The following IQCM variants were observed in gnomAD, a reference collection of about 807,000 sequenced individuals.
IQCM encodes the protein IQ motif containing M, also known as IQ domain-containing protein M.
In IQCM, 45 loss-of-function variants were observed where a neutral mutation model predicts 57.6. The ratio of observed to expected loss-of-function variants is 0.78; its 90% confidence interval spans 0.62 to 1.00. The LOEUF (loss-of-function observed/expected upper bound fraction) is 1.00, where lower values mean the gene tolerates loss of function less well. Ranked by LOEUF, IQCM falls within the 50% of genes least tolerant of loss-of-function variation. The pLI is 0.00. For missense variants in IQCM, 468 were observed against 511.6 expected (o/e 0.91, Z 0.82); for synonymous variants, 148 against 158.9 (o/e 0.93, Z 0.51).
At chr4:149,580,156 A>G (rs1279999108) in intron 9 of IQCM, among the ~76,000 whole-genome samples, 1 of 151,822 alleles carries the variant, frequency 6.6e-6, no homozygotes, top group Non-Finnish European at 1.5e-5. Context: ...AACGCAAGCC[A>G]CAAAAGATCT....
intron 12 of IQCM, chr4:149,514,625 G>C (rs962361262): frequency 1.3e-5 from 2 of 152,238 alleles, no homozygotes; most frequent in Non-Finnish European, 2.9e-5. Flanking sequence ...GCAGCTATAC[G>C]CTGCAGGTTG....
intron 13 of IQCM, among the ~76,000 whole-genome samples, chr4:149,370,508 C>CATAT (rs150414906): frequency 4.4e-4 from 66 of 150,222 alleles, no homozygotes; most frequent in African/African-American, 1.2e-3. Context: ...TCATCATTTG[C>CATAT]ATATATATAT....
chr4:149,610,022 A>C (rs1267137745), intron 8 of IQCM, among the ~76,000 whole-genome samples: 1 of 151,998 alleles, frequency 6.6e-6, no homozygotes, highest in Admixed American at 6.6e-5. Context: ...TGATAAACAA[A>C]TTCAGCAAAA....
At chr4:149,542,298 G>A (rs1747928691) in intron 12 of IQCM, among the ~76,000 whole-genome samples, 1 of 151,934 alleles carries the variant, frequency 6.6e-6, no homozygotes, top group African/African-American at 2.4e-5. Context: ...AATCTTAACA[G>A]ACACAATCAT....
In IQCM at chr4:149,733,398, C is replaced by T; in HGVS notation, c.231G>A (p.Val77=). ...TTCTGAGTGCGGCCCGATGTTCTTG[C>T]ACCACATCACGTGTTACCTTTTTGT... ...EIDKKVTRDV[V]QEHRAALRRI... The change falls in exon 5 of 14, where the codon GTG becomes GTA. Residue 77 remains valine, a synonymous_variant. Transcript: ENST00000636793. 3 of 1,231,826 alleles carry T rather than the reference C, an allele frequency of 2.4e-6. No individual in the cohort carries two copies. Among genetic ancestry groups the T allele is most frequent in the Non-Finnish European group, 3.0e-6 (3 of 987,750 alleles). 76.3% of individuals were successfully genotyped at this position (1,231,826 alleles called of 1,614,324 possible).
chr4:149,363,517 T>C (rs941402828), intron 13 of IQCM, among the ~76,000 whole-genome samples: 2 of 152,176 alleles, frequency 1.3e-5, no homozygotes, highest in African/African-American at 4.8e-5. Flanking sequence ...TACATATATA[T>C]ATGTATGTGG....
At chr4:149,693,999 A>G (rs1763129519) in intron 5 of IQCM, among the ~76,000 whole-genome samples, 1 of 152,152 alleles carries the variant, frequency 6.6e-6, no homozygotes, top group African/African-American at 2.4e-5. Context: ...TCCCTTTACT[A>G]ATCTGTAAAC....
At chr4:149,522,188 T>C (rs1745720478) in intron 12 of IQCM, among the ~76,000 whole-genome samples, 1 of 152,140 alleles carries the variant, frequency 6.6e-6, no homozygotes. Context: ...TCTGGAACCT[T>C]TCCTGTCACT....
chr4:149,748,491 C>T (rs1010863394), intron 2 of IQCM, among the ~76,000 whole-genome samples: 1 of 152,082 alleles, frequency 6.6e-6, no homozygotes, highest in Non-Finnish European at 1.5e-5. Context: ...CTTTAAAATT[C>T]TTACTTTTTT....
At chr4:149,427,445 C>G (rs541219081) in intron 13 of IQCM, among the ~76,000 whole-genome samples, 1 of 151,880 alleles carries the variant, frequency 6.6e-6, no homozygotes, top group Non-Finnish European at 1.5e-5. Flanking sequence ...TATTTTCTTA[C>G]TCAAATGTTT....
At chr4:149,390,515 G>T (rs1731776792) in intron 13 of IQCM, among the ~76,000 whole-genome samples, 1 of 151,786 alleles carries the variant, frequency 6.6e-6, no homozygotes, top group South Asian at 2.1e-4. Flanking sequence ...GATCTTAGGG[G>T]AAAAGTAATA....
At chr4:149,357,488 G>A (rs11944295) in intron 13 of IQCM, among the ~76,000 whole-genome samples, 42,906 of 151,908 alleles carry the variant, frequency 0.28, 6,189 homozygotes, top group Middle Eastern at 0.33. Flanking sequence ...CCTTTTCTGC[G>A]TCTATTGAGA....
chr4:149,420,416 G>A (rs190763620), intron 13 of IQCM, among the ~76,000 whole-genome samples: 1 of 152,114 alleles, frequency 6.6e-6, no homozygotes, highest in Admixed American at 6.6e-5. Flanking sequence ...TTATAAGTAG[G>A]AGCTGAAAAA....
At chr4:149,362,944 G>A (rs1013256413) in intron 13 of IQCM, among the ~76,000 whole-genome samples, 6 of 152,194 alleles carry the variant, frequency 3.9e-5, no homozygotes, top group Admixed American at 2.6e-4. Context: ...AGAGTTGGAT[G>A]ATTTTATGTG....
At chr4:149,357,779 T>C (rs1729117816) in intron 13 of IQCM, among the ~76,000 whole-genome samples, 1 of 152,184 alleles carries the variant, frequency 6.6e-6, no homozygotes, top group Non-Finnish European at 1.5e-5. Flanking sequence ...TAGGGAGGAT[T>C]CCCTCTTTTT....
intron 7 of IQCM, among the ~76,000 whole-genome samples, chr4:149,658,223 T>C (rs1226379788): frequency 6.6e-6 from 1 of 152,006 alleles, no homozygotes; most frequent in South Asian, 2.1e-4. Context: ...CATGTAGATA[T>C]CCAATTTCCC....
intron 13 of IQCM, among the ~76,000 whole-genome samples, chr4:149,414,609 C>T (rs1733615620): frequency 6.6e-6 from 1 of 151,842 alleles, no homozygotes; most frequent in African/African-American, 2.4e-5. Flanking sequence ...TTATCTTTTC[C>T]TCTCCCTTTT....
At chr4:149,717,699 C>T (rs1168422917) in intron 5 of IQCM, among the ~76,000 whole-genome samples, 1 of 152,140 alleles carries the variant, frequency 6.6e-6, no homozygotes, top group African/African-American at 2.4e-5. Flanking sequence ...GTGAGGTTGA[C>T]CAACTTACAC....
At chr4:149,616,731 C>T (rs1021808873) in intron 8 of IQCM, among the ~76,000 whole-genome samples, 7 of 151,810 alleles carry the variant, frequency 4.6e-5, no homozygotes, top group South Asian at 2.1e-4. Flanking sequence ...GCATGTTGGG[C>T]GGCAGCGGGG....
Sources: allele counts gnomAD v4.1 joint callset (sites outside exome capture counted in the v4.1 genomes callset), GRCh38; gene constraint gnomAD v4.1.1; transcripts MANE v1.5; gene names NCBI Gene and HGNC (gene_info 2026-07-23, HGNC 2026-07-21).